DAGLB: variants seen among roughly 807,000 people sequenced by gnomAD.
DAGLB encodes diacylglycerol lipase-beta.
A neutral mutation model predicts 72.1 loss-of-function variants in DAGLB; 66 were observed. The ratio of observed to expected loss-of-function variants is 0.92; its 90% CI spans 0.75 to 1.12. The LOEUF (loss-of-function observed/expected upper bound fraction) is 1.12. Among genes scored for constraint, DAGLB ranks in the 50% most tolerant of loss-of-function variants. The probability of loss-of-function intolerance (pLI) is 0.00; values close to 1 mark genes in which losing one functional copy is unlikely to be tolerated. For synonymous variants in DAGLB, 414 were observed against 359.5 expected (o/e 1.15, Z -1.71); for missense variants, 1,065 against 884.9 (o/e 1.20, Z -2.58).
At chr7:6,434,238 A>G (rs1193014051) in intron 4 of DAGLB, among the ~76,000 whole-genome samples, 2 of 28,940 alleles carry the variant, frequency 6.9e-5, no homozygotes, top group African/African-American at 2.3e-3. Context: ...GCTGCATGTG[A>G]AAAAAAAAAA....
intron 7 of DAGLB, among the ~76,000 whole-genome samples, chr7:6,425,710 G>A (rs1784289165): frequency 6.6e-6 from 1 of 152,162 alleles, no homozygotes; most frequent in Non-Finnish European, 1.5e-5. Context: ...TAATACTGAG[G>A]GATTTCACTC....
chr7:6,413,644 A>C (rs1783808109), intron 11 of DAGLB, among the ~76,000 whole-genome samples: 1 of 151,990 alleles, frequency 6.6e-6, no homozygotes, highest in Non-Finnish European at 1.5e-5. Context: ...GAAAAAAAAA[A>C]AAAAAAGATG....
rs1784156406 is a variant in DAGLB, at chr7:6,422,349, G to A, written c.1141-545C>T. On this transcript the variant is annotated intron_variant, in intron 8 of 14. Coordinates refer to ENST00000297056, the MANE Select transcript of DAGLB (RefSeq NM_139179.4). ...GACAGGCGGCGTCCTCCCAACAGGGGCAGCAGGACCCGCTGGCTGGGGCCC... is the reference window on the plus strand; with the variant it reads ...GACAGGCGGCGTCCTCCCAACAGGGACAGCAGGACCCGCTGGCTGGGGCCC... The A allele has an allele frequency of 1.6e-5, 4 of 247,086 alleles. No individual in the cohort carries two copies. The South Asian group carries it at 1.8e-4, about 11-fold the overall frequency. 15.3% of individuals were successfully genotyped at this position (247,086 alleles called of 1,614,324 possible).
chr7:6,441,247 C>A (rs566387889), intron 2 of DAGLB, among the ~76,000 whole-genome samples: 72 of 137,524 alleles, frequency 5.2e-4, no homozygotes, highest in African/African-American at 1.6e-3. Context: ...GCTGCCACCA[C>A]GCCTGGCTAA....
intron 13 of DAGLB, 168 bp downstream of exon 13, chr7:6,412,643 T>G: frequency 5.4e-6 from 4 of 745,908 alleles, no homozygotes; most frequent in Non-Finnish European, 8.9e-6. Flanking sequence ...TTTGCTTTCT[T>G]AGACATCACA....
intron 6 of DAGLB, among the ~76,000 whole-genome samples, 184 bp downstream of exon 6, chr7:6,430,296 A>G (rs1342871771): frequency 7.6e-4 from 58 of 75,870 alleles, no homozygotes; most frequent in African/African-American, 1.3e-3. Context: ...GGGGGGAGGG[A>G]GGGAGGGAGA....
At chr7:6,424,152 G>A (rs1003531207) in intron 8 of DAGLB, among the ~76,000 whole-genome samples, 1 of 152,224 alleles carries the variant, frequency 6.6e-6, no homozygotes, top group Admixed American at 6.5e-5. Flanking sequence ...GGAGTGGCCA[G>A]GAGGAAACCG....
chr7:6,446,790 C>T (rs1201361135), intron 1 of DAGLB, among the ~76,000 whole-genome samples: 1 of 152,100 alleles, frequency 6.6e-6, no homozygotes, highest in Non-Finnish European at 1.5e-5. Context: ...AGGAGGATCA[C>T]TTGAGCACAA....
intron 13 of DAGLB, chr7:6,412,604 T>C: frequency 1.6e-6 from 1 of 619,744 alleles, no homozygotes; most frequent in Admixed American, 2.7e-5. Flanking sequence ...GTTTCCTCCC[T>C]GTGACATTTC....
chr7:6,427,921 AAC>A (rs981971995), intron 6 of DAGLB, among the ~76,000 whole-genome samples: 90 of 152,348 alleles, frequency 5.9e-4, no homozygotes, highest in African/African-American at 1.9e-3. Context: ...ATACAAAATA[AAC>A]AGTCATAATT....
At chr7:6,438,621 C>G (rs1784737129) in intron 2 of DAGLB, among the ~76,000 whole-genome samples, 1 of 152,108 alleles carries the variant, frequency 6.6e-6, no homozygotes, top group African/African-American at 2.4e-5. Flanking sequence ...CAGACACATC[C>G]TAATGTCAGC....
At chr7:6,420,297 G>A (rs1583285774) in intron 9 of DAGLB, among the ~76,000 whole-genome samples, 5 of 151,490 alleles carry the variant, frequency 3.3e-5, no homozygotes, top group Admixed American at 3.3e-4. Flanking sequence ...AAAATCAGCT[G>A]GGTGTGGTGA....
chr7:6,413,420 G>C (rs1783800507), intron 11 of DAGLB, among the ~76,000 whole-genome samples: 1 of 152,134 alleles, frequency 6.6e-6, no homozygotes, highest in Admixed American at 6.6e-5. Flanking sequence ...CACAAGGTCA[G>C]GAGATTGAAA....
chr7:6,421,860 A>G, intron 8 of DAGLB, 56 bp from the exon 9 acceptor site: 1 of 1,577,282 alleles, frequency 6.3e-7, no homozygotes, highest in Non-Finnish European at 8.7e-7. Flanking sequence ...AGGGTGGGAG[A>G]ATGACAGGTG....
At chr7:6,435,269 C>T (rs1784616926) in intron 3 of DAGLB, among the ~76,000 whole-genome samples, 1 of 152,140 alleles carries the variant, frequency 6.6e-6, no homozygotes, top group Non-Finnish European at 1.5e-5. Flanking sequence ...CGGCAGATCA[C>T]GAGGTCAGGA....
At chr7:6,428,315 C>CAAA (rs749361631) in intron 6 of DAGLB, among the ~76,000 whole-genome samples, 952 of 76,726 alleles carry the variant, frequency 0.012, 33 homozygotes, top group Admixed American at 0.03. Flanking sequence ...GACTCTGTCT[C>CAAA]AAAAAAAAAA....
At chr7:6,444,047 A>C (rs374569725) in intron 2 of DAGLB, among the ~76,000 whole-genome samples, 34 of 152,290 alleles carry the variant, frequency 2.2e-4, no homozygotes, top group African/African-American at 7.7e-4. Context: ...CGAGAGGATC[A>C]CCTGAGCCCA....
intron 13 of DAGLB, among the ~76,000 whole-genome samples, chr7:6,412,394 A>G (rs1218317163): frequency 2.0e-5 from 3 of 152,196 alleles, no homozygotes; most frequent in Non-Finnish European, 4.4e-5. Flanking sequence ...ACAAACTGTT[A>G]GTCACAAGAC....
chr7:6,409,795 G>C lies in DAGLB; in HGVS notation c.*42C>G, dbSNP rs540007522. 2 of 1,595,706 alleles carry C rather than the reference G, an allele frequency of 1.3e-6. No homozygotes were observed. Among genetic ancestry groups the C allele is most frequent in the African/African-American group, 1.3e-5 (1 of 74,440 alleles). On this transcript the variant is annotated 3_prime_UTR_variant, in exon 15 of 15. Transcript: ENST00000297056. ...ATGGTAAGTCAGTTTAAGGACAAAA[G>C]CGTGAGTCCATCGTTCCTGGGACAG...
Sources: allele counts gnomAD v4.1 joint callset (sites outside exome capture counted in the v4.1 genomes callset), GRCh38; gene constraint gnomAD v4.1.1; transcripts MANE v1.5; gene names NCBI Gene and HGNC (gene_info 2026-07-23, HGNC 2026-07-21).